Variants in IRGC observed in about 807,000 individuals in gnomAD.
IRGC encodes the protein interferon-inducible GTPase 5.
Under a neutral mutation model 16.1 loss-of-function variants are expected in IRGC, and 4 were observed. The observed-to-expected ratio is 0.25, with a 90% CI of 0.12 to 0.57. The LOEUF (loss-of-function observed/expected upper bound fraction) is 0.57, where lower values mean the gene tolerates loss of function less well. IRGC is among the 20% of genes least tolerant of loss of function. The pLI is 0.92. For missense variants in IRGC, 570 were observed against 643.9 expected (o/e 0.89, Z 1.24); for synonymous variants, 307 against 299.5 (o/e 1.03, Z -0.26).
chr19:43,720,008 T>A lies in IRGC; in HGVS notation c.*58T>A, dbSNP rs2146338789. The A allele has an allele frequency of 2.5e-6, 4 of 1,587,756 alleles. No homozygotes were observed. The highest frequency in any genetic ancestry group is 1.4e-5 in the African/African-American group (1 of 73,764). On this transcript the variant is annotated 3_prime_UTR_variant, in exon 2 of 2. Coordinates refer to ENST00000244314, the MANE Select transcript of IRGC (RefSeq NM_019612.4). ...AAACTAAGTCTTAACAAAATCCAAATTACCAACAAAAAAGGCCGATGTGGT... is the reference window on the plus strand; with the variant it reads ...AAACTAAGTCTTAACAAAATCCAAAATACCAACAAAAAAGGCCGATGTGGT...
At position 43,719,243 on chromosome 19, in the gene IRGC, G is replaced by C; in HGVS notation, c.685G>C (p.Val229Leu). The change falls in exon 2 of 2, where the codon GTG becomes CTG. Residue 229 changes from valine to leucine, a missense_variant. Transcript: ENST00000244314. ...SPARYDFPTL[V>L]STWEHDLPSH... The stretch of plus-strand genomic sequence containing the variant: ...GGCCCGCTACGACTTTCCCACGCTG[G>C]TGTCCACCTGGGAGCACGACCTGCC... 6.2e-7 allele frequency: 1 copy of C among 1,610,112 alleles called. No individual in the cohort carries two copies.
At chr19:43,716,711 G>A (rs1047846827) in intron 1 of IRGC, among the ~76,000 whole-genome samples, 6 of 152,154 alleles carry the variant, frequency 3.9e-5, no homozygotes, top group Non-Finnish European at 7.3e-5. Context: ...AGTGGTAGGA[G>A]GTGAAGAGAC....
In IRGC at chr19:43,716,388, G is replaced by A. The variant is rs530105949; in HGVS notation, c.-67+246G>A. 3.8e-4 allele frequency among the ~76,000 whole-genome samples: 57 copies of A among 151,408 alleles called. 1 individual carries two copies. The Middle Eastern group carries it at 0.017, about 45-fold the overall frequency. On this transcript the variant is annotated intron_variant, in intron 1 of 1. Transcript: ENST00000244314. ...TTTTTCCTTTTTTTTTTTCTGAGAC[G>A]GAGTCTCGCTCTGTCGCCCAGGCTG...
chr19:43,718,869 T>C lies in IRGC; in HGVS notation c.311T>C (p.Phe104Ser). Residue 104 changes from phenylalanine (F) to serine (S), a missense_variant, in exon 2 of 2, where the codon TTC becomes TCC. Phe to Ser is a radical substitution (Grantham distance 155, BLOSUM62 -2). Transcript: ENST00000244314. ...CCGTCGCCCTATCCACACCCACAGT[T>C]CCCTGACGTGACCCTCTGGGACCTG... ...MQPSPYPHPQ[F>S]PDVTLWDLPG... 6.2e-7 allele frequency: 1 copy of C among 1,613,148 alleles called. No individual in the cohort carries two copies.
chr19:43,716,952 G>A (rs1251313700), intron 1 of IRGC, among the ~76,000 whole-genome samples: 2 of 152,168 alleles, frequency 1.3e-5, no homozygotes, highest in Non-Finnish European at 2.9e-5. Context: ...GACCCTTAGT[G>A]AGTAAATGTA....
chr19:43,719,569 G>A lies in IRGC; in HGVS notation c.1011G>A (p.Glu337=), dbSNP rs73935064. Residue 337 remains glutamate, a synonymous_variant, in exon 2 of 2, where the codon GAG becomes GAA. Transcript: ENST00000244314. The part of the protein sequence containing the change: ...RSVIRSPLAN[E]VSPETVLRLY... Reference sequence around the variant, plus strand: ...TCATCCGCTCCCCACTGGCCAACGAGGTCTCGCCTGAGACTGTCCTGCGGC... The same window carrying A: ...TCATCCGCTCCCCACTGGCCAACGAAGTCTCGCCTGAGACTGTCCTGCGGC... The A allele has an allele frequency of 1.3e-5, 21 of 1,602,260 alleles. No individual in the cohort carries two copies. The highest frequency in any genetic ancestry group is 1.6e-5 in the Non-Finnish European group (19 of 1,179,780).
At position 43,718,973 on chromosome 19, in the gene IRGC, C is replaced by T. The variant is rs346049; in HGVS notation, c.415C>T (p.Leu139=). The part of the protein sequence containing the change: ...VDFSRYDFFL[L]VSPRRCGAVE... ...CTTCAGCCGCTATGACTTCTTCCTG[C>T]TGGTCTCCCCCCGCCGCTGCGGGGC... Residue 139 remains leucine (L), a synonymous_variant, in exon 2 of 2, where the codon CTG becomes TTG. Coordinates refer to ENST00000244314, the MANE Select transcript of IRGC (RefSeq NM_019612.4). 0.12 allele frequency: 191,475 copies of T among 1,608,786 alleles called. 15,963 individuals carry two copies. The highest frequency in any genetic ancestry group is 0.43 in the African/African-American group (32,514 of 74,884).
rs2146337735 is a variant in IRGC at position 43,719,576 on chromosome 19, C to A, written c.1018C>A (p.Pro340Thr). 1.4e-5 allele frequency: 22 copies of A among 1,602,324 alleles called. No homozygotes were observed. Among genetic ancestry groups the A allele is most frequent in the Non-Finnish European group, 1.9e-5 (22 of 1,179,798 alleles). Reference sequence around the variant, plus strand: ...CTCCCCACTGGCCAACGAGGTCTCGCCTGAGACTGTCCTGCGGCTCTATTC... The same window carrying A: ...CTCCCCACTGGCCAACGAGGTCTCGACTGAGACTGTCCTGCGGCTCTATTC... ...IRSPLANEVS[P>T]ETVLRLYSQS... is the part of the protein sequence containing the mutation. The change falls in exon 2 of 2, where the codon CCT becomes ACT. Residue 340 changes from proline to threonine, a missense_variant. Physicochemically the swap from Pro to Thr is conservative, Grantham distance 38. Coordinates refer to ENST00000244314, the MANE Select transcript of IRGC (RefSeq NM_019612.4).
chr19:43,717,049 A>C (rs1032970561), intron 1 of IRGC, among the ~76,000 whole-genome samples: 1 of 151,806 alleles, frequency 6.6e-6, no homozygotes, highest in African/African-American at 2.4e-5. Flanking sequence ...CTGAGGGGGG[A>C]CCATCACGAC....
chr19:43,717,277 C>T (rs935874625), intron 1 of IRGC, among the ~76,000 whole-genome samples: 15 of 152,152 alleles, frequency 9.9e-5, no homozygotes, highest in African/African-American at 1.4e-4. Flanking sequence ...GTATCCCCCA[C>T]GGGGCAGCTG....
At chr19:43,717,690 AGCCCTGGCTATGTAATTT>A (rs1968191783) in intron 1 of IRGC, among the ~76,000 whole-genome samples, 1 of 152,196 alleles carries the variant, frequency 6.6e-6, no homozygotes, top group African/African-American at 2.4e-5. Flanking sequence ...TTTCCTATGC[AGCCCTGGCTATGTAATTT>A]GCCCTGGCTA....
chr19:43,718,127 A>G (rs1746493290), intron 1 of IRGC, among the ~76,000 whole-genome samples: 1 of 152,202 alleles, frequency 6.6e-6, no homozygotes, highest in African/African-American at 2.4e-5. Flanking sequence ...TAAACCAAGC[A>G]CTGGGCCATT....
In IRGC at chr19:43,718,672, G is replaced by C. The variant is rs1968211155; in HGVS notation, c.114G>C (p.Gln38His). Reference protein sequence around the residue: ...RTAFESGDLPQAASHLQELLA... With the variant: ...RTAFESGDLPHAASHLQELLA... ...CCTTTGAGTCGGGTGACCTCCCCCAGGCCGCCTCTCACCTCCAGGAGCTGC... is the reference window on the plus strand; with the variant it reads ...CCTTTGAGTCGGGTGACCTCCCCCACGCCGCCTCTCACCTCCAGGAGCTGC... The change falls in exon 2 of 2, where the codon CAG becomes CAC. Residue 38 changes from glutamine (Q) to histidine (H), a missense_variant. Physicochemically the swap from Gln to His is conservative, Grantham distance 24. Coordinates refer to ENST00000244314, the MANE Select transcript of IRGC (RefSeq NM_019612.4). 1 of 1,613,432 alleles carries C rather than the reference G, an allele frequency of 6.2e-7. No individual in the cohort carries two copies. Among genetic ancestry groups the C allele is most frequent in the African/African-American group, 1.3e-5 (1 of 74,942 alleles).
In IRGC at chr19:43,719,719, C is replaced by G; in HGVS notation, c.1161C>G (p.Gly387=). 6.2e-7 allele frequency: 1 copy of G among 1,612,996 alleles called. No homozygotes were observed. The highest frequency in any genetic ancestry group is 8.5e-7 in the Non-Finnish European group (1 of 1,179,774). Residue 387 remains glycine (G), a synonymous_variant, in exon 2 of 2, where the codon GGC becomes GGG. Coordinates refer to ENST00000244314, the MANE Select transcript of IRGC (RefSeq NM_019612.4). ...SFGAVYTMLQ[G]CLNEMAEDAQ... is the part of the protein sequence containing the mutation. ...GCGCTGTCTACACCATGCTCCAGGG[C>G]TGCCTCAACGAGATGGCTGAGGACG...
Position 43,719,309 on chromosome 19 carries a change from A to T in IRGC, c.751A>T (p.Ile251Phe). ...RHAGLLSLPD[I>F]SLEALQKKKA... ...CGCTGGCCTGCTGTCGCTCCCCGACATCTCGCTGGAGGCCTTGCAGAAGAA... is the reference window on the plus strand; with the variant it reads ...CGCTGGCCTGCTGTCGCTCCCCGACTTCTCGCTGGAGGCCTTGCAGAAGAA... The change falls in exon 2 of 2, where the codon ATC (isoleucine) becomes TTC (phenylalanine). Residue 251 changes from isoleucine to phenylalanine, a missense_variant. By Grantham distance (21) the Ile-to-Phe change is conservative (BLOSUM62 0). Coordinates refer to ENST00000244314, the MANE Select transcript of IRGC (RefSeq NM_019612.4). The T allele has an allele frequency of 6.2e-7, 1 of 1,610,326 alleles. No homozygotes were observed. Among genetic ancestry groups the T allele is most frequent in the Non-Finnish European group, 8.5e-7 (1 of 1,177,810 alleles).
Position 43,718,516 on chromosome 19 carries a change from G to C in IRGC, c.-43G>C. 6.6e-7 allele frequency: 1 copy of C among 1,524,266 alleles called. No homozygotes were observed. The highest frequency in any genetic ancestry group is 2.0e-4 in the Middle Eastern group (1 of 5,070). 94.4% of individuals were successfully genotyped at this position (1,524,266 alleles called of 1,614,324 possible). ...AGGCGCTGAGGATCACGCATCCTGT[G>C]ACTCTCCCCTGTCCCCCGCCACCCT... On this transcript the variant is annotated 5_prime_UTR_variant, in exon 2 of 2. Coordinates refer to ENST00000244314, the MANE Select transcript of IRGC (RefSeq NM_019612.4).
rs1251718189 is a variant in IRGC, at chr19:43,719,265, T to G, written c.707T>G (p.Leu236Arg). 6.2e-7 allele frequency: 1 copy of G among 1,608,934 alleles called. No individual in the cohort carries two copies. The highest frequency in any genetic ancestry group is 8.5e-7 in the Non-Finnish European group (1 of 1,177,390). ...PTLVSTWEHD[L>R]PSHRRHAGLL... ...CTGGTGTCCACCTGGGAGCACGACC[T>G]GCCCTCCCACCGGCGCCACGCTGGC... is the stretch of plus-strand genomic sequence containing the variant. The change falls in exon 2 of 2, where the codon CTG becomes CGG. Residue 236 changes from leucine (L) to arginine (R), a missense_variant. Transcript: ENST00000244314.
In IRGC at chr19:43,718,676, GC is replaced by G. The variant is rs756837094; in HGVS notation, c.120del (p.Ser41LeufsTer67). On this transcript the variant is annotated frameshift_variant, in exon 2 of 2. Transcript: ENST00000244314. LOFTEE classifies it high-confidence loss of function. ...TGAGTCGGGTGACCTCCCCCAGGCC[GC>G]CTCTCACCTCCAGGAGCTGCTGGCC... ...AFESGDLPQAASHLQELLAST... is the reference protein window; with the variant it reads ...AFESGDLPQAXSHLQELLAST... The G allele has an allele frequency of 5.6e-6, 9 of 1,613,550 alleles. No individual in the cohort carries two copies. The highest frequency in any genetic ancestry group is 7.6e-6 in the Non-Finnish European group (9 of 1,180,028).
Position 43,719,191 on chromosome 19 carries a change from C to A in IRGC, c.633C>A (p.Arg211=), listed in dbSNP as rs1314602977. 1.3e-5 allele frequency: 21 copies of A among 1,608,430 alleles called. No individual in the cohort carries two copies. The Admixed American group carries it at 3.3e-4, about 26-fold the overall frequency. The change falls in exon 2 of 2, where the codon CGC becomes CGA. Residue 211 remains arginine (R), a synonymous_variant. Transcript: ENST00000244314. ...GGGAGGCCGGCGTGGCTGACCCTCG[C>A]ATCTTCCTGGTGTCCAACCTCTCGC... ...RLREAGVADP[R]IFLVSNLSPA... is the part of the protein sequence containing the mutation.
Sources: allele counts gnomAD v4.1 joint callset (sites outside exome capture counted in the v4.1 genomes callset), GRCh38; gene constraint gnomAD v4.1.1; transcripts MANE v1.5; gene names NCBI Gene and HGNC (gene_info 2026-07-23, HGNC 2026-07-21).